Variants in PLEKHB1 observed in about 807,000 individuals in gnomAD.
The protein encoded by PLEKHB1 is pleckstrin homology domain containing B1.
PLEKHB1 carries 29 observed loss-of-function variants against 36.2 expected under a neutral mutation model. That is an observed-to-expected ratio of 0.80 (90% CI 0.60 to 1.09). The LOEUF (loss-of-function observed/expected upper bound fraction) is 1.09. Among genes scored for constraint, PLEKHB1 ranks in the 50% least tolerant of loss-of-function variants. The pLI is 0.00. For synonymous variants in PLEKHB1, 138 were observed against 140.0 expected (o/e 0.99, Z 0.10); for missense variants, 330 against 348.2 (o/e 0.95, Z 0.42).
intron 6 of PLEKHB1, 100 bp downstream of exon 6, chr11:73,656,007 G>A (rs1944987380): frequency 5.1e-6 from 5 of 982,612 alleles, no homozygotes; most frequent in Middle Eastern, 2.4e-4. Context: ...AACATTCCAT[G>A]GCTCCCTATC....
intron 1 of PLEKHB1, chr11:73,648,120 C>A: frequency 3.4e-6 from 1 of 293,446 alleles, no homozygotes; most frequent in Non-Finnish European, 5.1e-6. Context: ...GACGTCCAAA[C>A]TTAGCTGTAC....
intron 5 of PLEKHB1, among the ~76,000 whole-genome samples, chr11:73,654,353 A>G (rs962830890): frequency 6.6e-6 from 1 of 152,194 alleles, no homozygotes; most frequent in Non-Finnish European, 1.5e-5. Context: ...CCTATAGAGA[A>G]AGTCCGTTGG....
intron 2 of PLEKHB1, among the ~76,000 whole-genome samples, chr11:73,649,296 C>T (rs1944837825): frequency 6.6e-6 from 1 of 152,122 alleles, no homozygotes; most frequent in Admixed American, 6.5e-5. Flanking sequence ...CAGATGGGCC[C>T]CTCTCTGAGG....
chr11:73,650,434 GA>G lies in PLEKHB1; in HGVS notation c.95-114del, dbSNP rs1944862917. ...TGCCCTCATTTCAGGGGGTAGACAA[GA>G]AAAAGGTGGTTGTAACACTAGGGAC... is the stretch of plus-strand genomic sequence containing the variant. On this transcript the variant is annotated intron_variant, in intron 2 of 7. Transcript: ENST00000354190. 8.6e-6 allele frequency: 10 copies of G among 1,167,244 alleles called. No homozygotes were observed. The Admixed American group carries it at 2.1e-4, about 24-fold the overall frequency. The allele number at this position is 1,167,244 out of a possible 1,614,324, so 72.3% of individuals were successfully genotyped here.
At position 73,650,590 on chromosome 11, in the gene PLEKHB1, C is replaced by A. The variant is rs1944868567; in HGVS notation, c.132C>A (p.Ala44=). 1 of 1,613,116 alleles carries A rather than the reference C, an allele frequency of 6.2e-7. No homozygotes were observed. Among genetic ancestry groups the A allele is most frequent in the African/African-American group, 1.3e-5 (1 of 74,908 alleles). ...GCCGCTGGAAGCGGAACTGGTTTGC[C>A]CTGTGGCTGGACGGGACCCTGGGAT... The part of the protein sequence containing the change: ...ILRRWKRNWF[A]LWLDGTLGYY... Residue 44 remains alanine (A), a synonymous_variant, in exon 3 of 8, where the codon GCC becomes GCA. Coordinates refer to ENST00000354190, the MANE Select transcript of PLEKHB1 (RefSeq NM_021200.3).
At chr11:73,651,223 A>G (rs1944884738) in intron 3 of PLEKHB1, among the ~76,000 whole-genome samples, 1 of 151,696 alleles carries the variant, frequency 6.6e-6, no homozygotes, top group African/African-American at 2.4e-5. Context: ...CGGGCATGGT[A>G]GTGTGTACCT....
In PLEKHB1 at chr11:73,661,429, TA is replaced by T; in HGVS notation, c.596-35del. On this transcript the variant is annotated intron_variant, in intron 7 of 7. Coordinates refer to ENST00000354190, the MANE Select transcript of PLEKHB1 (RefSeq NM_021200.3). This position sits in a 1 kb window ranked among gnomAD's most constrained non-coding sequence, Gnocchi z 4.6. ...GTACGAAGATCACTCTACTCCCTCC[TA>T]AGTCGCTGATCCTCATGGGCTGTCT... 1 of 1,611,604 alleles carries T rather than the reference TA, an allele frequency of 6.2e-7. No homozygotes were observed. The highest frequency in any genetic ancestry group is 8.5e-7 in the Non-Finnish European group (1 of 1,177,886).
At chr11:73,651,365 AAAAAAG>A (rs1320101880) in intron 3 of PLEKHB1, 1 of 445,528 alleles carries the variant, frequency 2.2e-6, no homozygotes, top group Non-Finnish European at 4.4e-6. Flanking sequence ...AAAAAAAAAA[AAAAAAG>A]AAAAAGAAAA....
In PLEKHB1 at chr11:73,661,491, G is replaced by C. The variant is rs1406349791; in HGVS notation, c.621G>C (p.Val207=). The part of the protein sequence containing the change: ...YAGPGVTHVI[V]REDPCYSAGA... ...GCCCTGGCGTGACGCACGTGATAGT[G>C]CGGGAGGATCCCTGCTACAGCGCCG... is the stretch of plus-strand genomic sequence containing the variant. The change falls in exon 8 of 8, where the codon GTG becomes GTC. Residue 207 remains valine (V), a synonymous_variant. Coordinates refer to ENST00000354190, the MANE Select transcript of PLEKHB1 (RefSeq NM_021200.3). The surrounding 1 kb of genome is among the most constrained non-coding windows in gnomAD (Gnocchi z 4.6). 6.2e-7 allele frequency: 1 copy of C among 1,613,816 alleles called. No individual in the cohort carries two copies.
At chr11:73,652,643 T>C (rs1231830517) in intron 4 of PLEKHB1, 1 of 265,822 alleles carries the variant, frequency 3.8e-6, no homozygotes, top group Non-Finnish European at 7.0e-6. Flanking sequence ...ATTTGGGATG[T>C]GGAGGGGGAC....
rs568685752 is a variant in PLEKHB1 at position 73,661,531 on chromosome 11, A to G, written c.661A>G (p.Met221Val). The G allele has an allele frequency of 7.4e-6, 12 of 1,612,740 alleles. No individual in the cohort carries two copies. In the Admixed American group the frequency reaches 1.8e-4, roughly 25 times the overall value. ...PCYSAGAPLA[M>V]GMLAGAATGA... ...CTACAGCGCCGGCGCCCCTCTGGCCATGGGCATGCTTGCGGGAGCCGCCAC... is the reference window on the plus strand; with the variant it reads ...CTACAGCGCCGGCGCCCCTCTGGCCGTGGGCATGCTTGCGGGAGCCGCCAC... The change falls in exon 8 of 8, where the codon ATG becomes GTG. Residue 221 changes from methionine (M) to valine (V), a missense_variant. Physicochemically the swap from Met to Val is conservative, Grantham distance 21. Coordinates refer to ENST00000354190, the MANE Select transcript of PLEKHB1 (RefSeq NM_021200.3). This position sits in a 1 kb window ranked among gnomAD's most constrained non-coding sequence, Gnocchi z 4.6.
rs1944868388 is a variant in PLEKHB1, at chr11:73,650,588, G to T, written c.130G>T (p.Ala44Ser). 1.9e-6 allele frequency: 3 copies of T among 1,613,094 alleles called. No individual in the cohort carries two copies. In the African/African-American group the frequency reaches 4.0e-5, roughly 22 times the overall value. The change falls in exon 3 of 8, where the codon GCC (alanine) becomes TCC (serine). Residue 44 changes from alanine (A) to serine (S), a missense_variant. Coordinates refer to ENST00000354190, the MANE Select transcript of PLEKHB1 (RefSeq NM_021200.3). ...ILRRWKRNWF[A>S]LWLDGTLGYY... Reference sequence around the variant, plus strand: ...CCGCCGCTGGAAGCGGAACTGGTTTGCCCTGTGGCTGGACGGGACCCTGGG... The same window carrying T: ...CCGCCGCTGGAAGCGGAACTGGTTTTCCCTGTGGCTGGACGGGACCCTGGG...
intron 2 of PLEKHB1, among the ~76,000 whole-genome samples, chr11:73,649,733 G>C (rs1327835766): frequency 6.6e-6 from 1 of 152,132 alleles, no homozygotes; most frequent in African/African-American, 2.4e-5. Context: ...GCTATCCTGG[G>C]GACCCCTGGG....
chr11:73,658,068 A>G lies in PLEKHB1; in HGVS notation c.495+2161A>G, dbSNP rs73536697. Among the ~76,000 whole-genome samples the G allele has an allele frequency of 2.9e-3, 439 of 152,308 alleles. 2 individuals are homozygous for G. The highest frequency in any genetic ancestry group is 9.9e-3 in the African/African-American group (411 of 41,574). ...AGACCCAGTCTCTGCCCTCAAAGGC[A>G]TCTCCAAGTCTGATGGGAGAGACAC... On this transcript the variant is annotated intron_variant, in intron 6 of 7. Transcript: ENST00000354190.
intron 6 of PLEKHB1, among the ~76,000 whole-genome samples, chr11:73,659,730 C>G (rs1945065672): frequency 6.6e-6 from 1 of 152,150 alleles, no homozygotes; most frequent in Non-Finnish European, 1.5e-5. Flanking sequence ...TGGCAGAAAT[C>G]TAATGGGAGA....
intron 1 of PLEKHB1, chr11:73,648,800 C>T (rs745319822): frequency 3.1e-5 from 41 of 1,323,482 alleles, no homozygotes; most frequent in Non-Finnish European, 3.5e-5. Flanking sequence ...CACCCCCACC[C>T]CACACCAATG....
chr11:73,646,742 A>G, intron 1 of PLEKHB1, 116 bp downstream of exon 1: 1 of 1,140,010 alleles, frequency 8.8e-7, no homozygotes, highest in Non-Finnish European at 1.3e-6. Context: ...TCTCTGAATG[A>G]CATCCTGTGG....
intron 1 of PLEKHB1, chr11:73,648,259 T>G (rs1042397968): frequency 2.6e-5 from 4 of 153,542 alleles, no homozygotes; most frequent in African/African-American, 9.6e-5. Flanking sequence ...CATAACGGTT[T>G]GAAGCCAGGA....
intron 4 of PLEKHB1, chr11:73,652,114 G>T: frequency 1.8e-6 from 1 of 561,204 alleles, no homozygotes; most frequent in Non-Finnish European, 3.2e-6. Flanking sequence ...CAGGATTGCT[G>T]AGGGGGAGGT....
Sources: gnomAD v4.1 joint callset for allele counts (sites outside exome capture counted in the v4.1 genomes callset) on GRCh38, gnomAD v4.1.1 for gene constraint, Gnocchi (gnomAD v3.1) non-coding constraint, MANE v1.5 for transcripts, NCBI Gene and HGNC (gene_info 2026-07-23, HGNC 2026-07-21) for gene names.